Variants in CACNA1E observed in about 807,000 individuals in gnomAD.
CACNA1E encodes the protein voltage-dependent R-type calcium channel subunit alpha-1E.
A neutral mutation model predicts 259.2 loss-of-function variants in CACNA1E; 40 were observed. The observed-to-expected ratio is 0.15, with a 90% confidence interval of 0.12 to 0.20. The LOEUF (loss-of-function observed/expected upper bound fraction) is 0.20. Among genes scored for constraint, CACNA1E ranks in the 10% least tolerant of loss-of-function variants. The pLI is 1.00. For missense variants in CACNA1E, 1,874 were observed against 3,040.1 expected (o/e 0.62, Z 9.02); for synonymous variants, 1,104 against 1,138.5 (o/e 0.97, Z 0.61).
At chr1:181,660,257 A>T (rs1647515421) in intron 7 of CACNA1E, among the ~76,000 whole-genome samples, 1 of 152,242 alleles carries the variant, frequency 6.6e-6, no homozygotes, top group African/African-American at 2.4e-5. Context: ...CTCATGTGCA[A>T]GCTGATTCTG....
At chr1:181,788,958 A>G (rs1661069633) in intron 43 of CACNA1E, among the ~76,000 whole-genome samples, 1 of 152,160 alleles carries the variant, frequency 6.6e-6, no homozygotes. Context: ...TCGACTTTCT[A>G]GGCTCAAGTG....
intron 2 of CACNA1E, among the ~76,000 whole-genome samples, chr1:181,476,400 G>A (rs1662852809): frequency 6.6e-6 from 1 of 152,176 alleles, no homozygotes; most frequent in Admixed American, 6.5e-5. Flanking sequence ...CAACACAAAG[G>A]GTTCTTGGAG....
chr1:181,501,026 G>A (rs1409568427), intron 1 of CACNA1E, among the ~76,000 whole-genome samples: 1 of 152,170 alleles, frequency 6.6e-6, no homozygotes, highest in Non-Finnish European at 1.5e-5. Context: ...TCATCAGAGT[G>A]TCATCAAAAC....
At chr1:181,719,684 G>C in intron 12 of CACNA1E, 67 bp from the exon 13 acceptor site, 2 of 783,952 alleles carry the variant, frequency 2.6e-6, no homozygotes, top group Non-Finnish European at 4.2e-6. Context: ...ATGGTGTGCT[G>C]GGCGCTAGAA....
At chr1:181,586,174 A>G (rs1376330262) in intron 6 of CACNA1E, among the ~76,000 whole-genome samples, 3 of 152,186 alleles carry the variant, frequency 2.0e-5, no homozygotes, top group Non-Finnish European at 4.4e-5. Flanking sequence ...TTTGGGAGAA[A>G]GCAGCAAGAA....
intron 1 of CACNA1E, among the ~76,000 whole-genome samples, chr1:181,340,992 T>C (rs576469028): frequency 2.0e-5 from 3 of 152,254 alleles, no homozygotes; most frequent in African/African-American, 7.2e-5. Flanking sequence ...GTGGAAGTAA[T>C]TGACCCTTGG....
chr1:181,654,915 G>T (rs1017287859), intron 7 of CACNA1E, among the ~76,000 whole-genome samples: 6 of 150,588 alleles, frequency 4.0e-5, no homozygotes, highest in Non-Finnish European at 8.9e-5. Flanking sequence ...ACCCCAGGGG[G>T]CGGAGCCTGC....
chr1:181,568,104 C>T (rs2102922022), intron 3 of CACNA1E, among the ~76,000 whole-genome samples: 1 of 152,194 alleles, frequency 6.6e-6, no homozygotes, highest in African/African-American at 2.4e-5. Context: ...AGTGTATTTT[C>T]TGTTCTAACT....
Position 181,595,772 on chromosome 1 carries a change from TG to T in CACNA1E, c.951+14998del, listed in dbSNP as rs1653098531. ...CATTGCCTCATTGAGCCAGGAGCCT[TG>T]GTCCACGCTGTAGGACCTCAGTCCA... On this transcript the variant is annotated intron_variant, in intron 6 of 47. Coordinates refer to ENST00000367573, the MANE Select transcript of CACNA1E (RefSeq NM_001205293.3). 6.6e-5 allele frequency among the ~76,000 whole-genome samples: 10 copies of T among 152,292 alleles called. No individual in the cohort carries two copies. The South Asian group carries it at 2.1e-3, about 32-fold the overall frequency.
chr1:181,719,424 G>A (rs1244054545), intron 12 of CACNA1E, among the ~76,000 whole-genome samples: 4 of 152,308 alleles, frequency 2.6e-5, no homozygotes, highest in South Asian at 2.1e-4. Context: ...GAAGCAACTT[G>A]TACTAATCAG....
intron 1 of CACNA1E, among the ~76,000 whole-genome samples, chr1:181,337,331 A>ATTT (rs58242351): frequency 3.3e-5 from 5 of 150,420 alleles, no homozygotes; most frequent in Non-Finnish European, 5.9e-5. Context: ...AATTTTTTGT[A>ATTT]TTTTTTTTTA....
chr1:181,792,170 G>A (rs560744063), intron 44 of CACNA1E, among the ~76,000 whole-genome samples: 3 of 151,850 alleles, frequency 2.0e-5, no homozygotes, highest in East Asian at 1.9e-4. Flanking sequence ...CCTGCCTGGC[G>A]ATGTGTCTAG....
chr1:181,398,158 A>C (rs1656825163), intron 1 of CACNA1E, among the ~76,000 whole-genome samples: 2 of 152,224 alleles, frequency 1.3e-5, no homozygotes, highest in Non-Finnish European at 2.9e-5. Flanking sequence ...CATCTATGAA[A>C]GCCACAGGCT....
At chr1:181,679,867 C>A (rs1414853786) in intron 7 of CACNA1E, among the ~76,000 whole-genome samples, 2 of 152,160 alleles carry the variant, frequency 1.3e-5, no homozygotes, top group East Asian at 3.9e-4. Flanking sequence ...ACCTGTAATT[C>A]CAGTGCTTTG....
In CACNA1E at chr1:181,572,457, T is replaced by C. The variant is rs75910741; in HGVS notation, c.513-5309T>C. On this transcript the variant is annotated intron_variant, in intron 3 of 47. Transcript: ENST00000367573. Reference sequence around the variant, plus strand: ...CATGATCTCTAACAGGAAATAGTTATTGAACTTGACTGTGTGCAGAACATG... The same window carrying C: ...CATGATCTCTAACAGGAAATAGTTACTGAACTTGACTGTGTGCAGAACATG... Among the ~76,000 whole-genome samples the C allele has an allele frequency of 1.4e-4, 22 of 152,284 alleles. No individual in the cohort carries two copies. In the East Asian group the frequency reaches 4.2e-3, roughly 29 times the overall value.
intron 29 of CACNA1E, among the ~76,000 whole-genome samples, chr1:181,756,645 A>G (rs1210593931): frequency 6.6e-6 from 1 of 152,224 alleles, no homozygotes; most frequent in African/African-American, 2.4e-5. Flanking sequence ...AAAATGTTAA[A>G]TGGGAATCTG....
intron 2 of CACNA1E, among the ~76,000 whole-genome samples, chr1:181,447,790 G>A (rs1660889048): frequency 6.6e-6 from 1 of 152,210 alleles, no homozygotes. Flanking sequence ...CAGAAGTCAA[G>A]TCTTGTGGCT....
intron 7 of CACNA1E, among the ~76,000 whole-genome samples, chr1:181,702,106 G>T (rs1652321777): frequency 6.6e-6 from 1 of 152,028 alleles, no homozygotes; most frequent in South Asian, 2.1e-4. Flanking sequence ...AACATGTCAG[G>T]ATATCCAGCT....
intron 1 of CACNA1E, among the ~76,000 whole-genome samples, chr1:181,398,408 T>C (rs1571765522): frequency 6.6e-6 from 1 of 152,372 alleles, no homozygotes; most frequent in Non-Finnish European, 1.5e-5. Flanking sequence ...GCTCACACTT[T>C]ATTTTATTTA....
Sources: gnomAD v4.1 joint callset for allele counts (sites outside exome capture counted in the v4.1 genomes callset) on GRCh38, gnomAD v4.1.1 for gene constraint, MANE v1.5 for transcripts, NCBI Gene and HGNC (gene_info 2026-07-23, HGNC 2026-07-21) for gene names.